Variants in CEP78 observed in about 807,000 individuals in gnomAD.
The protein encoded by CEP78 is centrosomal protein 78.
A neutral mutation model predicts 81.2 loss-of-function variants in CEP78; 76 were observed. That is an observed-to-expected ratio of 0.94 (90% CI 0.78 to 1.13). The LOEUF (loss-of-function observed/expected upper bound fraction) is 1.13. Ranked by LOEUF, CEP78 falls within the 50% of genes most tolerant of loss-of-function variation. The pLI is 0.00. For synonymous variants in CEP78, 293 were observed against 301.4 expected, an observed-to-expected ratio of 0.97 and a Z score of 0.29; for missense variants, 918 against 846.8, an observed-to-expected ratio of 1.08 and a Z score of -1.04.
intron 16 of CEP78, among the ~76,000 whole-genome samples, chr9:78,270,246 ATAAT>A (rs1050969775): frequency 1.3e-5 from 2 of 152,220 alleles, no homozygotes; most frequent in Non-Finnish European, 2.9e-5. Context: ...ACACAATCAC[ATAAT>A]TATAGTTTTA....
intron 11 of CEP78, among the ~76,000 whole-genome samples, chr9:78,255,761 G>A (rs1343498120): frequency 3.9e-5 from 6 of 152,142 alleles, no homozygotes; most frequent in Non-Finnish European, 8.8e-5. Context: ...TATTATAAAT[G>A]AGCACCTTTT....
intron 10 of CEP78, chr9:78,253,489 AG>A: frequency 2.2e-6 from 1 of 452,084 alleles, no homozygotes; most frequent in Non-Finnish European, 4.0e-6. Flanking sequence ...CTGTGTAGAC[AG>A]GAAGTCATTT....
At chr9:78,259,498 G>C (rs1827181667) in intron 11 of CEP78, among the ~76,000 whole-genome samples, 1 of 152,178 alleles carries the variant, frequency 6.6e-6, no homozygotes, top group Non-Finnish European at 1.5e-5. Flanking sequence ...TAAAAAACCT[G>C]CTTAAAGAAA....
rs766402858 is a variant in CEP78, at chr9:78,266,550, C to T, written c.1954C>T (p.Pro652Ser). The T allele has an allele frequency of 1.9e-6, 3 of 1,613,866 alleles. No individual in the cohort carries two copies. In the South Asian group the frequency reaches 3.3e-5, roughly 18 times the overall value. The change falls in exon 16 of 17, where the codon CCA becomes TCA. Residue 652 changes from proline to serine, a missense_variant. Physicochemically the swap from Pro to Ser is moderately conservative, Grantham distance 74. Transcript: ENST00000643273. ...AACTTCCAGCAACAACCTAGGAGTC[C>T]CAGCTACTGAGCAGCGGCAGGAGTC... The part of the protein sequence containing the change: ...LGTSSNNLGV[P>S]ATEQRQESFE...
chr9:78,267,986 A>G (rs1259609622), intron 16 of CEP78, among the ~76,000 whole-genome samples: 1 of 152,006 alleles, frequency 6.6e-6, no homozygotes, highest in Admixed American at 6.6e-5. Flanking sequence ...GACTTATGGG[A>G]ATGAAACAAT....
chr9:78,249,359 T>A (rs143922383), intron 8 of CEP78: 3 of 152,364 alleles, frequency 2.0e-5, no homozygotes, highest in African/African-American at 7.2e-5. Flanking sequence ...AGCACCTTGC[T>A]TCTTTCAATG....
chr9:78,254,260 G>T (rs970476318), intron 10 of CEP78, among the ~76,000 whole-genome samples: 5 of 152,012 alleles, frequency 3.3e-5, no homozygotes, highest in Admixed American at 6.6e-5. Flanking sequence ...TAGAGACAGG[G>T]TCTTGCTATG....
At position 78,236,516 on chromosome 9, in the gene CEP78, G is replaced by T; in HGVS notation, c.166G>T (p.Ala56Ser). The T allele has an allele frequency of 6.2e-7, 1 of 1,607,088 alleles. No homozygotes were observed. Among genetic ancestry groups the T allele is most frequent in the Non-Finnish European group, 8.5e-7 (1 of 1,176,832 alleles). The change falls in exon 1 of 17, where the codon GCG becomes TCG. Residue 56 changes from alanine to serine, a missense_variant. Transcript: ENST00000643273. ...NADRLRGVDWAPLLSTLKINK... is the reference protein window; with the variant it reads ...NADRLRGVDWSPLLSTLKINK... ...CGACCGCCTCCGCGGGGTGGACTGGGCGCCTCTGCTGAGCACCCTCAAGAT... is the reference window on the plus strand; with the variant it reads ...CGACCGCCTCCGCGGGGTGGACTGGTCGCCTCTGCTGAGCACCCTCAAGAT...
chr9:78,266,046 C>T (rs1488397421), intron 15 of CEP78, 140 bp downstream of exon 15: 5 of 602,786 alleles, frequency 8.3e-6, no homozygotes, highest in African/African-American at 3.7e-5. Flanking sequence ...TTTCCTCTGG[C>T]CTTACTTGGA....
Position 78,253,243 on chromosome 9 carries a change from T to C in CEP78, c.1217T>C (p.Leu406Ser). ...CGATATCTTTTTAGGGGTTTCCCAT[T>C]AATCAAAACACGTGATATATGTAAT... is the stretch of plus-strand genomic sequence containing the variant. ...ERAKRHRGFP[L>S]IKTRDICNQL... The change falls in exon 10 of 17, where the codon TTA becomes TCA. Residue 406 changes from leucine to serine, a missense_variant. Transcript: ENST00000643273. 1.5e-6 allele frequency: 2 copies of C among 1,363,122 alleles called. No individual in the cohort carries two copies. The highest frequency in any genetic ancestry group is 2.1e-6 in the Non-Finnish European group (2 of 965,732). The allele number at this position is 1,363,122 out of a possible 1,614,324, so 84.4% of individuals were successfully genotyped here. A position where few individuals can be genotyped will look rare whatever the true frequency, so the allele number is the denominator to read the frequency against.
chr9:78,260,461 A>G (rs1827222998), intron 11 of CEP78, among the ~76,000 whole-genome samples: 1 of 152,150 alleles, frequency 6.6e-6, no homozygotes, highest in Admixed American at 6.5e-5. Flanking sequence ...TAATCCCAGC[A>G]CTTTGGGAGG....
chr9:78,247,781 A>C (rs1321855419), intron 6 of CEP78, among the ~76,000 whole-genome samples: 1 of 152,308 alleles, frequency 6.6e-6, no homozygotes, highest in African/African-American at 2.4e-5. Flanking sequence ...GGTGGTAAAA[A>C]GTGGTTGAAA....
rs1227090290 is a variant in CEP78, at chr9:78,277,665, AGT to A, written c.*6819_*6820del. 1 of 152,236 alleles carries A rather than the reference AGT, an allele frequency of 6.6e-6. No individual in the cohort carries two copies. Among genetic ancestry groups the A allele is most frequent in the Non-Finnish European group, 1.5e-5 (1 of 68,036 alleles). 9.4% of individuals were successfully genotyped at this position (152,236 alleles called of 1,614,324 possible). ...ACAGCTTTTGGATGGACAGTTTGAC[AGT>A]GTGTATCAACATGTGAAATGTCTCC... On this transcript the variant is annotated 3_prime_UTR_variant, in exon 17 of 17. Transcript: ENST00000643273.
rs1020634186 is a variant in CEP78 at position 78,251,975 on chromosome 9, C to T, written c.1137C>T (p.Pro379=). ...KHSLGKEYYA[P]APLPPGVSGF... ...CCCTTGGTAAAGAATATTATGCGCC[C>T]GCACCTCTTCCACCTGGTGTGTCTG... Residue 379 remains proline (P), a synonymous_variant, in exon 9 of 17, where the codon CCC becomes CCT. Coordinates refer to ENST00000643273, the MANE Select transcript of CEP78 (RefSeq NM_001330691.3). 17 of 1,607,994 alleles carry T rather than the reference C, an allele frequency of 1.1e-5. No individual in the cohort carries two copies. The highest frequency in any genetic ancestry group is 2.7e-5 in the African/African-American group (2 of 74,950).
Position 78,236,357 on chromosome 9 carries a change from G to C in CEP78, c.7G>C (p.Asp3His), listed in dbSNP as rs750799292. 6.3e-7 allele frequency: 1 copy of C among 1,575,528 alleles called. No homozygotes were observed. Among genetic ancestry groups the C allele is most frequent in the South Asian group, 1.1e-5 (1 of 87,066 alleles). The change falls in exon 1 of 17, where the codon GAC (aspartate) becomes CAC (histidine). Residue 3 changes from aspartate (D) to histidine (H), a missense_variant. Physicochemically the swap from Asp to His is moderately conservative, Grantham distance 81. Transcript: ENST00000643273. The stretch of plus-strand genomic sequence containing the variant: ...CCGAGGCCGCCCTCGGGCCATGATC[G>C]ACTCCGTGAAGCTGCGCCGCGACAG... MI[D>H]SVKLRRDSAA... is the part of the protein sequence containing the mutation.
Position 78,279,249 on chromosome 9 carries a change from A to G in CEP78, c.*8398A>G, listed in dbSNP as rs1458098130. On this transcript the variant is annotated 3_prime_UTR_variant, in exon 17 of 17. Transcript: ENST00000643273. ...CGGCTTTTATCTCCTTAAGAAAACAAGAAAACTCCACAAAATCTTGAAAGC... is the reference window on the plus strand; with the variant it reads ...CGGCTTTTATCTCCTTAAGAAAACAGGAAAACTCCACAAAATCTTGAAAGC... The G allele has an allele frequency of 1.3e-5, 2 of 152,200 alleles. No homozygotes were observed. 9.4% of individuals were successfully genotyped at this position (152,200 alleles called of 1,614,324 possible). A position where few individuals can be genotyped will look rare whatever the true frequency, so the allele number is the denominator to read the frequency against.
At chr9:78,247,552 G>A (rs1826551732) in intron 6 of CEP78, among the ~76,000 whole-genome samples, 1 of 152,208 alleles carries the variant, frequency 6.6e-6, no homozygotes, top group African/African-American at 2.4e-5. Context: ...AAGGTTTGAA[G>A]GTCACGGTAA....
Position 78,276,198 on chromosome 9 carries a change from C to T in CEP78, c.*5347C>T, listed in dbSNP as rs1827800386. On this transcript the variant is annotated 3_prime_UTR_variant, in exon 17 of 17. Transcript: ENST00000643273. ...ATATCATTTTCAAGGAAGATTTGTA[C>T]CAAAACATGCAAGATTGAGTGAAGA... The T allele has an allele frequency of 6.6e-6, 1 of 152,062 alleles. No homozygotes were observed. The highest frequency in any genetic ancestry group is 2.1e-4 in the South Asian group (1 of 4,832). 9.4% of individuals were successfully genotyped at this position (152,062 alleles called of 1,614,324 possible).
chr9:78,252,842 C>G (rs780021522), intron 9 of CEP78, among the ~76,000 whole-genome samples: 6 of 152,144 alleles, frequency 3.9e-5, no homozygotes, highest in Non-Finnish European at 7.3e-5. Context: ...AACTATAGTG[C>G]TGAGGCCCCA....
Sources: allele counts gnomAD v4.1 joint callset (sites outside exome capture counted in the v4.1 genomes callset), GRCh38; gene constraint gnomAD v4.1.1; transcripts MANE v1.5; gene names NCBI Gene and HGNC (gene_info 2026-07-23, HGNC 2026-07-21).